The following SNX21 variants were observed in gnomAD, a reference collection of about 807,000 sequenced individuals.
The protein encoded by SNX21 is sorting nexin-21.
A neutral mutation model predicts 30.9 loss-of-function variants in SNX21; 36 were observed. The observed-to-expected ratio is 1.16, with a 90% CI of 0.89 to 1.54. SNX21 has a LOEUF of 1.54. Ranked by LOEUF, SNX21 falls within the 40% of genes most tolerant of loss-of-function variation. The pLI is 0.00. For missense variants in SNX21, 508 were observed against 516.5 expected, an observed-to-expected ratio of 0.98 and a Z score of 0.16; for synonymous variants, 218 against 222.7, an observed-to-expected ratio of 0.98 and a Z score of 0.19.
chr20:45,834,601 C>G (rs1434739589), intron 2 of SNX21, 133 bp downstream of exon 2: 1 of 1,226,656 alleles, frequency 8.2e-7, no homozygotes, highest in African/African-American at 1.5e-5. Flanking sequence ...CCTGGGCCAC[C>G]TCTTGGCTGT....
chr20:45,843,153 A>C lies in SNX21; in HGVS notation c.*1840A>C. 1.4e-6 allele frequency: 1 copy of C among 692,124 alleles called. No homozygotes were observed. The highest frequency in any genetic ancestry group is 2.0e-6 in the Non-Finnish European group (1 of 488,498). 42.9% of individuals were successfully genotyped at this position (692,124 alleles called of 1,614,324 possible). ...TTTTGAAAAGGCATCCCCAAATGGCAGTCTGATGGACTGCGGGTTTGGATA... is the reference window on the plus strand; with the variant it reads ...TTTTGAAAAGGCATCCCCAAATGGCCGTCTGATGGACTGCGGGTTTGGATA... On this transcript the variant is annotated 3_prime_UTR_variant, in exon 4 of 4. Coordinates refer to ENST00000491381, the MANE Select transcript of SNX21 (RefSeq NM_033421.4).
At position 45,834,355 on chromosome 20, in the gene SNX21, G is replaced by T; in HGVS notation, c.176G>T (p.Gly59Val). 6.2e-7 allele frequency: 1 copy of T among 1,601,476 alleles called. No individual in the cohort carries two copies. Reference sequence around the variant, plus strand: ...GAGGGCCTGTCCTCCCGACTCAGCGGCACCCTCAGCTTCACCAGCGCCGAG... The same window carrying T: ...GAGGGCCTGTCCTCCCGACTCAGCGTCACCCTCAGCTTCACCAGCGCCGAG... ...DAEGLSSRLS[G>V]TLSFTSAEDD... Residue 59 changes from glycine to valine, a missense_variant, in exon 2 of 4, where the codon GGC becomes GTC. Transcript: ENST00000491381.
chr20:45,841,668 A>C lies in SNX21; in HGVS notation c.*355A>C. The C allele has an allele frequency of 7.0e-7, 1 of 1,419,710 alleles. No individual in the cohort carries two copies. The highest frequency in any genetic ancestry group is 9.1e-7 in the Non-Finnish European group (1 of 1,093,556). The allele number at this position is 1,419,710 out of a possible 1,614,324, so 87.9% of individuals were successfully genotyped here. ...CTCTGCCCCTGGAGTCCTGGAGTTAAGGGATGAAGGCAAGGCTGCAGGTCT... is the reference window on the plus strand; with the variant it reads ...CTCTGCCCCTGGAGTCCTGGAGTTACGGGATGAAGGCAAGGCTGCAGGTCT... On this transcript the variant is annotated 3_prime_UTR_variant, in exon 4 of 4. Transcript: ENST00000491381.
Position 45,841,732 on chromosome 20 carries a change from C to A in SNX21, c.*419C>A, listed in dbSNP as rs879034468. 14 of 1,438,988 alleles carry A rather than the reference C, an allele frequency of 9.7e-6. No individual in the cohort carries two copies. In the South Asian group the frequency reaches 2.1e-4, roughly 21 times the overall value. The allele number at this position is 1,438,988 out of a possible 1,614,324, so 89.1% of individuals were successfully genotyped here. ...TAAAAGCCAGCCACTCCAGTGGTAT[C>A]AGTCTCTTTATTGGATGTGAGGGCC... On this transcript the variant is annotated 3_prime_UTR_variant, in exon 4 of 4. Coordinates refer to ENST00000491381, the MANE Select transcript of SNX21 (RefSeq NM_033421.4).
chr20:45,841,615 G>A lies in SNX21; in HGVS notation c.*302G>A. 1 of 1,404,414 alleles carries A rather than the reference G, an allele frequency of 7.1e-7. No homozygotes were observed. Among genetic ancestry groups the A allele is most frequent in the Non-Finnish European group, 9.2e-7 (1 of 1,086,826 alleles). The allele number at this position is 1,404,414 out of a possible 1,614,324, so 87.0% of individuals were successfully genotyped here. A position where few individuals can be genotyped will look rare whatever the true frequency, so the allele number is the denominator to read the frequency against. ...CCCTTGTTGGTGGGCCCCCAAGCTG[G>A]CAAGGCCTCTTGGCTGAAGGCCAGG... On this transcript the variant is annotated 3_prime_UTR_variant, in exon 4 of 4. Coordinates refer to ENST00000491381, the MANE Select transcript of SNX21 (RefSeq NM_033421.4).
chr20:45,843,264 A>C lies in SNX21; in HGVS notation c.*1951A>C, dbSNP rs1248351540. 14 of 642,914 alleles carry C rather than the reference A, an allele frequency of 2.2e-5. No individual in the cohort carries two copies. The East Asian group carries it at 3.1e-4, about 14-fold the overall frequency. 39.8% of individuals were successfully genotyped at this position (642,914 alleles called of 1,614,324 possible). On this transcript the variant is annotated 3_prime_UTR_variant, in exon 4 of 4. Coordinates refer to ENST00000491381, the MANE Select transcript of SNX21 (RefSeq NM_033421.4). ...ATGATTTGCCTATTGTAATACAAAG[A>C]ATCTGAACTGGTTTTGGGACTAGAA...
Position 45,834,978 on chromosome 20 carries a change from T to C in SNX21, c.309T>C (p.Asp103=), listed in dbSNP as rs1568725482. Residue 103 remains aspartate (D), a synonymous_variant, in exon 3 of 4, where the codon GAT becomes GAC. Coordinates refer to ENST00000491381, the MANE Select transcript of SNX21 (RefSeq NM_033421.4). ...GEDAERSPPP[D]GQWGSQLLAR... Reference sequence around the variant, plus strand: ...CTGCAGAACGGAGCCCCCCACCTGATGGGCAGTGGGGCAGTCAGCTCCTGG... The same window carrying C: ...CTGCAGAACGGAGCCCCCCACCTGACGGGCAGTGGGGCAGTCAGCTCCTGG... 1.9e-6 allele frequency: 3 copies of C among 1,614,020 alleles called. No homozygotes were observed. The highest frequency in any genetic ancestry group is 2.2e-5 in the East Asian group (1 of 44,874).
At chr20:45,836,736 T>C (rs1983580592) in intron 3 of SNX21, among the ~76,000 whole-genome samples, 1 of 152,074 alleles carries the variant, frequency 6.6e-6, no homozygotes, top group South Asian at 2.1e-4. Flanking sequence ...CACCAAGGAA[T>C]AGTTCAGAGG....
At position 45,842,010 on chromosome 20, in the gene SNX21, T is replaced by C. The variant is rs776729268; in HGVS notation, c.*697T>C. ...CCTGCTTCAGAACAGCCAAATACAC[T>C]TTTTTTTTTTTTCCTGAAACAGAGT... On this transcript the variant is annotated 3_prime_UTR_variant, in exon 4 of 4. Transcript: ENST00000491381. 41 of 363,926 alleles carry C rather than the reference T, an allele frequency of 1.1e-4. No individual in the cohort carries two copies. Among genetic ancestry groups the C allele is most frequent in the Non-Finnish European group, 1.5e-4 (32 of 219,030 alleles). The allele number at this position is 363,926 out of a possible 1,614,324, so 22.5% of individuals were successfully genotyped here. A position where few individuals can be genotyped will look rare whatever the true frequency, so the allele number is the denominator to read the frequency against.
intron 3 of SNX21, among the ~76,000 whole-genome samples, chr20:45,836,888 C>T (rs1363616477): frequency 1.3e-5 from 2 of 152,164 alleles, no homozygotes; most frequent in African/African-American, 2.4e-5. Flanking sequence ...CCCCACTCAA[C>T]TTGTGGGGGT....
At chr20:45,837,357 T>A (rs962548415) in intron 3 of SNX21, among the ~76,000 whole-genome samples, 9 of 152,224 alleles carry the variant, frequency 5.9e-5, no homozygotes, top group African/African-American at 1.9e-4. Context: ...AATGCAGAGT[T>A]AAATGAGAAT....
At chr20:45,836,564 T>C (rs539944765) in intron 3 of SNX21, among the ~76,000 whole-genome samples, 2 of 144,902 alleles carry the variant, frequency 1.4e-5, no homozygotes, top group Non-Finnish European at 3.0e-5. Context: ...AGTGCAGTGG[T>C]GCAGTCATAA....
chr20:45,842,851 G>C lies in SNX21; in HGVS notation c.*1538G>C. 1 of 996,158 alleles carries C rather than the reference G, an allele frequency of 1.0e-6. No individual in the cohort carries two copies. The highest frequency in any genetic ancestry group is 1.2e-6 in the Non-Finnish European group (1 of 835,740). The allele number at this position is 996,158 out of a possible 1,614,324, so 61.7% of individuals were successfully genotyped here. A position where few individuals can be genotyped will look rare whatever the true frequency, so the allele number is the denominator to read the frequency against. On this transcript the variant is annotated 3_prime_UTR_variant, in exon 4 of 4. Coordinates refer to ENST00000491381, the MANE Select transcript of SNX21 (RefSeq NM_033421.4). ...AGAATACCCCTTATCTGAGTATAAA[G>C]AATCCTTGAGTTTTGTCCTTGGTTT...
At chr20:45,838,911 TGAG>T (rs1301797909) in intron 3 of SNX21, among the ~76,000 whole-genome samples, 1 of 151,042 alleles carries the variant, frequency 6.6e-6, no homozygotes, top group African/African-American at 2.4e-5. Flanking sequence ...TTTTTTTTTT[TGAG>T]AGAGAGTTTC....
chr20:45,842,070 G>C lies in SNX21; in HGVS notation c.*757G>C, dbSNP rs1435984905. The C allele has an allele frequency of 6.5e-7, 1 of 1,541,478 alleles. No homozygotes were observed. Among genetic ancestry groups the C allele is most frequent in the Non-Finnish European group, 8.7e-7 (1 of 1,147,340 alleles). On this transcript the variant is annotated 3_prime_UTR_variant, in exon 4 of 4. Coordinates refer to ENST00000491381, the MANE Select transcript of SNX21 (RefSeq NM_033421.4). ...TTGCCAGGCTGGTCTCAAGCGCCTG[G>C]GTTCAAGGGATCCTCCCGCCTCAGC...
At position 45,842,819 on chromosome 20, in the gene SNX21, G is replaced by C; in HGVS notation, c.*1506G>C. The C allele has an allele frequency of 1.0e-6, 1 of 991,920 alleles. No homozygotes were observed. Among genetic ancestry groups the C allele is most frequent in the East Asian group, 1.1e-4 (1 of 9,008 alleles). The allele number at this position is 991,920 out of a possible 1,614,324, so 61.4% of individuals were successfully genotyped here. On this transcript the variant is annotated 3_prime_UTR_variant, in exon 4 of 4. Coordinates refer to ENST00000491381, the MANE Select transcript of SNX21 (RefSeq NM_033421.4). Reference sequence around the variant, plus strand: ...TCAATCTTGGATTGTGATGCTATTGGTACTTGAGAATACCCCTTATCTGAG... The same window carrying C: ...TCAATCTTGGATTGTGATGCTATTGCTACTTGAGAATACCCCTTATCTGAG...
rs980941998 is a variant in SNX21 at position 45,841,636 on chromosome 20, C to T, written c.*323C>T. The stretch of plus-strand genomic sequence containing the variant: ...GCTGGCAAGGCCTCTTGGCTGAAGG[C>T]CAGGGACTCTGCCCCTGGAGTCCTG... On this transcript the variant is annotated 3_prime_UTR_variant, in exon 4 of 4. Coordinates refer to ENST00000491381, the MANE Select transcript of SNX21 (RefSeq NM_033421.4). 4 of 1,412,086 alleles carry T rather than the reference C, an allele frequency of 2.8e-6. No homozygotes were observed. The African/African-American group carries it at 4.3e-5, about 15-fold the overall frequency. 87.5% of individuals were successfully genotyped at this position (1,412,086 alleles called of 1,614,324 possible).
Position 45,842,396 on chromosome 20 carries a change from T to A in SNX21, c.*1083T>A, listed in dbSNP as rs781453756. 46 of 1,240,098 alleles carry A rather than the reference T, an allele frequency of 3.7e-5. No individual in the cohort carries two copies. Among genetic ancestry groups the A allele is most frequent in the Non-Finnish European group, 4.6e-5 (45 of 986,978 alleles). 76.8% of individuals were successfully genotyped at this position (1,240,098 alleles called of 1,614,324 possible). On this transcript the variant is annotated 3_prime_UTR_variant, in exon 4 of 4. Coordinates refer to ENST00000491381, the MANE Select transcript of SNX21 (RefSeq NM_033421.4). ...CAACAGCTCGGCCAAGCAGAACTGC[T>A]GTACCTCTGACCACTTGTGTTAGGA...
Position 45,842,056 on chromosome 20 carries a change from G to C in SNX21, c.*743G>C. 6.5e-7 allele frequency: 1 copy of C among 1,545,464 alleles called. No homozygotes were observed. Among genetic ancestry groups the C allele is most frequent in the Non-Finnish European group, 8.7e-7 (1 of 1,148,154 alleles). On this transcript the variant is annotated 3_prime_UTR_variant, in exon 4 of 4. Coordinates refer to ENST00000491381, the MANE Select transcript of SNX21 (RefSeq NM_033421.4). ...AGAGTCTCACTAAGTTGCCAGGCTG[G>C]TCTCAAGCGCCTGGGTTCAAGGGAT...
Sources: gnomAD v4.1 joint callset for allele counts (sites outside exome capture counted in the v4.1 genomes callset) on GRCh38, gnomAD v4.1.1 for gene constraint, MANE v1.5 for transcripts, NCBI Gene and HGNC (gene_info 2026-07-23, HGNC 2026-07-21) for gene names.